The following CEP192 variants were observed in gnomAD, a reference collection of about 807,000 sequenced individuals.
CEP192 encodes the protein centrosomal protein of 192 kDa.
Under a neutral mutation model 271.8 loss-of-function variants are expected in CEP192, and 151 were observed. That is an observed-to-expected ratio of 0.56 (90% CI 0.49 to 0.64). The LOEUF is 0.64. Among genes scored for constraint, CEP192 ranks in the 30% least tolerant of loss-of-function variants. The probability of loss-of-function intolerance (pLI) is 0.00; values close to 1 mark genes in which losing one functional copy is unlikely to be tolerated. For synonymous variants in CEP192, 995 were observed against 1,076.5 expected, an observed-to-expected ratio of 0.92 and a Z score of 1.48; for missense variants, 2,910 against 3,020.5, an observed-to-expected ratio of 0.96 and a Z score of 0.86.
intron 1 of CEP192, 104 bp from the exon 2 acceptor site, chr18:12,999,317 G>T: frequency 2.2e-6 from 2 of 904,004 alleles, no homozygotes; most frequent in Non-Finnish European, 3.2e-6. Flanking sequence ...CTAAAAAAAG[G>T]ATTTTTTTCC....
chr18:13,090,360 A>G (rs1296750625), intron 33 of CEP192, among the ~76,000 whole-genome samples: 1 of 152,200 alleles, frequency 6.6e-6, no homozygotes, highest in Admixed American at 6.5e-5. Flanking sequence ...GTATAGTAAG[A>G]TCTCATTTTG....
intron 30 of CEP192, among the ~76,000 whole-genome samples, chr18:13,085,385 A>C (rs1000128165): frequency 4.3e-5 from 2 of 46,084 alleles, no homozygotes; most frequent in African/African-American, 1.8e-4. Context: ...GCTGTGCAGA[A>C]GCTCTTTAGT....
At chr18:13,115,016 TGAG>T (rs1051031513) in intron 42 of CEP192, among the ~76,000 whole-genome samples, 1 of 152,238 alleles carries the variant, frequency 6.6e-6, no homozygotes, top group Non-Finnish European at 1.5e-5. Context: ...ATTAAGTTCT[TGAG>T]GAGGATGCCT....
chr18:12,999,273 C>G (rs2033456541), intron 1 of CEP192, 148 bp from the exon 2 acceptor site: 1 of 563,830 alleles, frequency 1.8e-6, no homozygotes, highest in Admixed American at 3.6e-5. Context: ...TTTATTTTAC[C>G]TCAGACTATT....
chr18:13,083,380 A>T (rs2038727749), intron 30 of CEP192, among the ~76,000 whole-genome samples: 3 of 152,130 alleles, frequency 2.0e-5, no homozygotes, highest in Admixed American at 2.0e-4. Flanking sequence ...TCAATCACTG[A>T]TATCCTTTCG....
rs775153665 is a variant in CEP192, at chr18:13,117,632, G to A, written c.7464G>A (p.Lys2488=). 2.5e-6 allele frequency: 4 copies of A among 1,612,638 alleles called. No individual in the cohort carries two copies. In the East Asian group the frequency reaches 6.7e-5, roughly 27 times the overall value. ...PREPFYVKHS[K]YSLRAQHYIN... ...AGCCATTCTATGTCAAACATTCCAA[G>A]TACTCTTTGAGGTAAGTTTATCGCA... The change falls in exon 44 of 45, where the codon AAG becomes AAA. Residue 2488 remains lysine (K), a synonymous_variant. Transcript: ENST00000506447.
chr18:13,015,424 C>A lies in CEP192; in HGVS notation c.616C>A (p.Pro206Thr), dbSNP rs1236366705. 2 of 1,551,222 alleles carry A rather than the reference C, an allele frequency of 1.3e-6. No individual in the cohort carries two copies. Among genetic ancestry groups the A allele is most frequent in the East Asian group, 2.4e-5 (1 of 40,920 alleles). The change falls in exon 6 of 45, where the codon CCG becomes ACG. Residue 206 changes from proline (P) to threonine (T), a missense_variant. Physicochemically the swap from Pro to Thr is conservative, Grantham distance 38 (BLOSUM62 -1). Coordinates refer to ENST00000506447, the MANE Select transcript of CEP192 (RefSeq NM_032142.4). The stretch of plus-strand genomic sequence containing the variant: ...ATTAGAAAATGAGAAACTTATCTTA[C>A]CGACAAGCTTGGAAGATTCTTCTGG... ...SLLENEKLIL[P>T]TSLEDSSDDD...
chr18:13,066,860 A>G (rs1391463435), intron 21 of CEP192, among the ~76,000 whole-genome samples: 3 of 152,178 alleles, frequency 2.0e-5, no homozygotes, highest in Non-Finnish European at 4.4e-5. Flanking sequence ...TCTGGAACCC[A>G]GACCTTTCTG....
At chr18:13,039,966 C>T (rs907312049) in intron 13 of CEP192, among the ~76,000 whole-genome samples, 10 of 152,074 alleles carry the variant, frequency 6.6e-5, no homozygotes, top group African/African-American at 2.4e-5. Context: ...TGATAAATTC[C>T]ACAGAGGGTA....
chr18:13,068,559 C>T (rs1000082903), intron 24 of CEP192, 137 bp downstream of exon 24: 7 of 797,330 alleles, frequency 8.8e-6, no homozygotes, highest in Admixed American at 2.7e-5. Flanking sequence ...GAAATTGAGG[C>T]AGATGGCATG....
Position 13,049,272 on chromosome 18 carries a change from AAGTGCTACT to A in CEP192, c.2486_2494del (p.Ala829_Ser831del). On this transcript the variant is annotated inframe_deletion, in exon 16 of 45. Transcript: ENST00000506447. ...CTCAAGACATTCATCCGGTGGACTT[AAGTGCTACT>A]AGTGTAAGTGTGAGGGCACCAGAAG... 1 of 1,614,178 alleles carries A rather than the reference AAGTGCTACT, an allele frequency of 6.2e-7. No individual in the cohort carries two copies. Among genetic ancestry groups the A allele is most frequent in the Non-Finnish European group, 8.5e-7 (1 of 1,180,024 alleles).
intron 17 of CEP192, among the ~76,000 whole-genome samples, chr18:13,051,496 A>T (rs1310122021): frequency 6.6e-6 from 1 of 152,084 alleles, no homozygotes; most frequent in Non-Finnish European, 1.5e-5. Flanking sequence ...TTGGTTAGAA[A>T]CTTACTAACT....
At position 13,049,058 on chromosome 18, in the gene CEP192, A is replaced by G. The variant is rs766174061; in HGVS notation, c.2267A>G (p.Gln756Arg). ...AAGACTTTTCAGGAAGATGAGAAACAAAAGGACTATTCTCATGTGCGTCAT... is the reference window on the plus strand; with the variant it reads ...AAGACTTTTCAGGAAGATGAGAAACGAAAGGACTATTCTCATGTGCGTCAT... ...RDKTFQEDEK[Q>R]KDYSHVRHFL... is the part of the protein sequence containing the mutation. Residue 756 changes from glutamine (Q) to arginine (R), a missense_variant, in exon 16 of 45, where the codon CAA becomes CGA. Transcript: ENST00000506447. 3 of 1,614,002 alleles carry G rather than the reference A, an allele frequency of 1.9e-6. No individual in the cohort carries two copies. The South Asian group carries it at 3.3e-5, about 18-fold the overall frequency.
intron 32 of CEP192, 24 bp from the exon 33 acceptor site, chr18:13,089,432 A>AT: frequency 8.2e-7 from 1 of 1,216,126 alleles, no homozygotes; most frequent in Non-Finnish European, 1.2e-6. Context: ...CTTTTAAATA[A>AT]TAAAAAAAAA....
intron 29 of CEP192, 21 bp downstream of exon 29, chr18:13,072,866 C>A (rs750577252): frequency 1.6e-5 from 25 of 1,573,222 alleles, no homozygotes; most frequent in Non-Finnish European, 2.2e-5. Context: ...TACGTGGATT[C>A]TTGTTATGTC....
At chr18:13,073,372 T>C (rs960534558) in intron 30 of CEP192, among the ~76,000 whole-genome samples, 187 bp downstream of exon 30, 1 of 152,246 alleles carries the variant, frequency 6.6e-6, no homozygotes, top group African/African-American at 2.4e-5. Flanking sequence ...GCAGCCAGCG[T>C]AGTATTCCTA....
intron 24 of CEP192, 97 bp downstream of exon 24, chr18:13,068,519 C>A (rs563039685): frequency 9.7e-7 from 1 of 1,034,018 alleles, no homozygotes; most frequent in Non-Finnish European, 1.4e-6. Context: ...GTCAGTACTT[C>A]GAAATCTGTC....
intron 33 of CEP192, among the ~76,000 whole-genome samples, chr18:13,090,212 A>G (rs2039077486): frequency 6.6e-6 from 1 of 152,250 alleles, no homozygotes; most frequent in South Asian, 2.1e-4. Context: ...GCAAGAAGCT[A>G]GAAGTAACCT....
At chr18:13,076,593 TATA>T (rs1319907874) in intron 30 of CEP192, among the ~76,000 whole-genome samples, 1 of 152,214 alleles carries the variant, frequency 6.6e-6, no homozygotes, top group African/African-American at 2.4e-5. Flanking sequence ...GCAGAATACT[TATA>T]ATGAGTGTTT....
Sources: allele counts gnomAD v4.1 joint callset (sites outside exome capture counted in the v4.1 genomes callset), GRCh38; gene constraint gnomAD v4.1.1; transcripts MANE v1.5; gene names NCBI Gene and HGNC (gene_info 2026-07-23, HGNC 2026-07-21).